Variants in SORD observed in about 807,000 individuals in gnomAD.
SORD encodes the protein (R,R)-butanediol dehydrogenase.
In SORD, 18 loss-of-function variants were observed where a neutral mutation model predicts 35.6. The observed-to-expected ratio is 0.51, with a 90% CI of 0.35 to 0.75. The LOEUF is 0.75. Ranked by LOEUF, SORD falls within the 30% of genes least tolerant of loss-of-function variation. The probability of loss-of-function intolerance (pLI) is 0.01; values close to 1 mark genes in which losing one functional copy is unlikely to be tolerated. For missense variants in SORD, 250 were observed against 390.2 expected (o/e 0.64, Z 3.03); for synonymous variants, 106 against 152.9 (o/e 0.69, Z 2.26).
At chr15:45,060,353 A>AAGAT (rs1893282030) in intron 3 of SORD, among the ~76,000 whole-genome samples, 1 of 152,182 alleles carries the variant, frequency 6.6e-6, no homozygotes, top group East Asian at 1.9e-4. Context: ...TCATAATAAA[A>AAGAT]AGATAGAAAA....
rs747847507 is a variant in SORD, at chr15:45,069,018, C to T, written c.752C>T (p.Thr251Met). The T allele has an allele frequency of 4.2e-5, 68 of 1,610,530 alleles. No homozygotes were observed. In the Middle Eastern group the frequency reaches 3.0e-3, roughly 70 times the overall value. ...AAGCCGGAAGTCACCATCGAGTGCA[C>T]GGGGGCAGAGGCCTCCATCCAGGCG... ...GCKPEVTIEC[T>M]GAEASIQAGI... The change falls in exon 7 of 9, where the codon ACG (threonine) becomes ATG (methionine). Residue 251 changes from threonine to methionine, a missense_variant. Physicochemically the swap from Thr to Met is moderately conservative, Grantham distance 81 (BLOSUM62 -1). Around this residue, in one of 8 missense-constraint regions of SORD, gnomAD observed 44 missense variants for 54.5 expected, o/e 0.81. Coordinates refer to ENST00000267814, the MANE Select transcript of SORD (RefSeq NM_003104.6).
rs1260860228 is a variant in SORD, at chr15:45,075,542, G to A, written c.*2012G>A. On this transcript the variant is annotated 3_prime_UTR_variant, in exon 9 of 9. Coordinates refer to ENST00000267814, the MANE Select transcript of SORD (RefSeq NM_003104.6). ...CCTCCTCCTCCCTGAGCCCTAGGTA[G>A]AAGTCAGTGTGTGGAGGAGGCCACC... 1.6e-5 allele frequency: 2 copies of A among 123,188 alleles called. No individual in the cohort carries two copies. Among genetic ancestry groups the A allele is most frequent in the South Asian group, 2.3e-4 (1 of 4,342 alleles). The allele number at this position is 123,188 out of a possible 1,614,324, so 7.6% of individuals were successfully genotyped here.
In SORD at chr15:45,061,180, G is replaced by A. The variant is rs1426124460; in HGVS notation, c.379G>A (p.Gly127Arg). Reference sequence around the variant, plus strand: ...CTTCTGTGCCACGCCCCCCGATGACGGGAACCTCTGCCGGTTCTATAAGCA... The same window carrying A: ...CTTCTGTGCCACGCCCCCCGATGACAGGAACCTCTGCCGGTTCTATAAGCA... ...IFFCATPPDD[G>R]NLCRFYKHNA... The change falls in exon 4 of 9, where the codon GGG becomes AGG. Residue 127 changes from glycine to arginine, a missense_variant. This residue lies in a region of SORD where 126 missense variants were observed against 148.7 expected (regional missense o/e 0.85). Transcript: ENST00000267814. 18 of 1,614,006 alleles carry A rather than the reference G, an allele frequency of 1.1e-5. No individual in the cohort carries two copies. Among genetic ancestry groups the A allele is most frequent in the East Asian group, 8.9e-5 (4 of 44,894 alleles).
intron 2 of SORD, chr15:45,041,763 T>G (rs1177789918): frequency 6.6e-6 from 1 of 152,186 alleles, no homozygotes. Context: ...TGGCTCCTGG[T>G]AACAGCTTTT....
intron 3 of SORD, among the ~76,000 whole-genome samples, chr15:45,046,657 A>T (rs1277315139): frequency 1.3e-5 from 2 of 152,240 alleles, no homozygotes; most frequent in African/African-American, 2.4e-5. Context: ...TTAAAATTCT[A>T]ATCAACTAAT....
chr15:45,062,845 C>T (rs1418421023), intron 4 of SORD, among the ~76,000 whole-genome samples: 3 of 131,288 alleles, frequency 2.3e-5, no homozygotes, highest in Admixed American at 1.5e-4. Flanking sequence ...TCAATATCCT[C>T]GCCTGTAAAA....
chr15:45,062,468 C>A (rs1342649740), intron 4 of SORD, among the ~76,000 whole-genome samples: 1 of 152,028 alleles, frequency 6.6e-6, no homozygotes, highest in South Asian at 2.1e-4. Flanking sequence ...CGCAGCCTGG[C>A]CCCAGTGGTG....
At chr15:45,028,746 T>A (rs1892720992) in intron 1 of SORD, among the ~76,000 whole-genome samples, 1 of 152,274 alleles carries the variant, frequency 6.6e-6, no homozygotes. Context: ...GTATTATACC[T>A]TAGGTCAAAA....
chr15:45,064,673 G>A (rs1893376616), intron 4 of SORD, among the ~76,000 whole-genome samples: 1 of 152,194 alleles, frequency 6.6e-6, no homozygotes, highest in African/African-American at 2.4e-5. Flanking sequence ...CTATCAGAGT[G>A]ATGCCCATTG....
intron 1 of SORD, among the ~76,000 whole-genome samples, chr15:45,034,895 G>C (rs1387482839): frequency 6.6e-6 from 1 of 152,218 alleles, no homozygotes. Context: ...GGAGTTCCGG[G>C]TAGGCGTGGG....
At chr15:45,058,573 T>C (rs1268431805) in intron 3 of SORD, 7 of 152,190 alleles carry the variant, frequency 4.6e-5, no homozygotes, top group Admixed American at 2.0e-4. Context: ...GATGACCCCC[T>C]ACAGGTGAAG....
At chr15:45,061,785 C>T (rs1444451056) in intron 4 of SORD, among the ~76,000 whole-genome samples, 1 of 152,086 alleles carries the variant, frequency 6.6e-6, no homozygotes, top group African/African-American at 2.4e-5. Flanking sequence ...AGGAGAATGG[C>T]TTGAACACGG....
intron 4 of SORD, among the ~76,000 whole-genome samples, chr15:45,063,707 G>A (rs545022646): frequency 6.9e-4 from 105 of 152,304 alleles, no homozygotes; most frequent in African/African-American, 2.5e-3. Context: ...TCTGCATAGA[G>A]CCCTTATAAG....
chr15:45,040,680 G>A (rs1049317167), intron 2 of SORD, among the ~76,000 whole-genome samples: 2 of 152,148 alleles, frequency 1.3e-5, no homozygotes, highest in Admixed American at 6.5e-5. Flanking sequence ...AAAAATTACC[G>A]TACCAGACTG....
At chr15:45,034,381 G>A (rs1285462881) in intron 1 of SORD, among the ~76,000 whole-genome samples, 4 of 152,162 alleles carry the variant, frequency 2.6e-5, no homozygotes, top group African/African-American at 9.6e-5. Flanking sequence ...TGTTGAGGCT[G>A]TTGCTACAAC....
At chr15:45,042,223 G>A (rs1254940919) in intron 2 of SORD, 4 of 152,188 alleles carry the variant, frequency 2.6e-5, no homozygotes, top group Non-Finnish European at 4.4e-5. Flanking sequence ...CAGGCGCGGT[G>A]GCTTAGGCCT....
rs140741217 is a variant in SORD at position 45,061,108 on chromosome 15, G to C, written c.307G>C (p.Asp103His). ...CGAGCCTGGTGCTCCCCGAGAAAAT[G>C]ATGAATTCTGCAAGATGGGCCGATA... ...AIEPGAPREN[D>H]EFCKMGRYNL... Residue 103 changes from aspartate (D) to histidine (H), a missense_variant, in exon 4 of 9, where the codon GAT becomes CAT. Transcript: ENST00000267814. 5 of 1,613,528 alleles carry C rather than the reference G, an allele frequency of 3.1e-6. No individual in the cohort carries two copies. Among genetic ancestry groups the C allele is most frequent in the Non-Finnish European group, 4.2e-6 (5 of 1,180,028 alleles).
intron 5 of SORD, among the ~76,000 whole-genome samples, chr15:45,065,832 A>G (rs1893396285): frequency 1.3e-5 from 2 of 152,120 alleles, no homozygotes; most frequent in Admixed American, 6.5e-5. Context: ...AGGTGGGAGG[A>G]TCACTTGAGC....
intron 4 of SORD, among the ~76,000 whole-genome samples, chr15:45,061,928 G>A (rs1297072607): frequency 6.6e-6 from 1 of 152,160 alleles, no homozygotes; most frequent in Non-Finnish European, 1.5e-5. Context: ...GACAGCAACG[G>A]CTGACATTTC....
Sources: gnomAD v4.1 joint callset for allele counts (sites outside exome capture counted in the v4.1 genomes callset) on GRCh38, gnomAD v4.1.1 for gene constraint, gnomAD v4.1.1 regional missense constraint, MANE v1.5 for transcripts, NCBI Gene and HGNC (gene_info 2026-07-23, HGNC 2026-07-21) for gene names.